The following F8 variants were observed in gnomAD, a reference collection of about 807,000 sequenced individuals.
F8 encodes antihemophilic factor.
In F8, 12 loss-of-function variants were observed where a neutral mutation model predicts 140.6. That is an observed-to-expected ratio of 0.09 (90% confidence interval 0.05 to 0.14). The LOEUF (loss-of-function observed/expected upper bound fraction) is 0.14. Ranked by LOEUF, F8 falls within the 10% of genes least tolerant of loss-of-function variation. The pLI, the probability that F8 is intolerant of heterozygous loss-of-function variation, is 1.00. For synonymous variants in F8, 585 were observed against 614.6 expected, an observed-to-expected ratio of 0.95 and a Z score of 0.71; for missense variants, 1,354 against 1,720.7, an observed-to-expected ratio of 0.79 and a Z score of 3.77.
At chrX:154,898,733 G>A (rs908392237) in intron 21 of F8, among the ~76,000 whole-genome samples, 4 of 112,280 alleles carry the variant, frequency 3.6e-5, no homozygotes, top group Admixed American at 1.9e-4. Context: ...TGACTTTGCT[G>A]CAGTATTAGA....
chrX:154,927,537 T>G (rs188230153), intron 14 of F8, among the ~76,000 whole-genome samples: 126 of 112,220 alleles, frequency 1.1e-3, no homozygotes, highest in Admixed American at 2.2e-3. Flanking sequence ...CTGTGGAGGT[T>G]CATTGCACAG....
chrX:154,898,779 G>A (rs1173039994), intron 21 of F8, among the ~76,000 whole-genome samples: 3 of 111,807 alleles, frequency 2.7e-5, no homozygotes, highest in African/African-American at 9.8e-5. Context: ...GGAAAAACTA[G>A]GAAATACTTT....
At chrX:154,993,649 C>CA (rs1403756869) in intron 3 of F8, among the ~76,000 whole-genome samples, 2 of 112,198 alleles carry the variant, frequency 1.8e-5, no homozygotes, top group Non-Finnish European at 3.8e-5. Flanking sequence ...CTAACCCTAG[C>CA]ATGAGCAGTA....
chrX:154,993,175 C>T, intron 3 of F8, 27 bp from the exon 4 acceptor site: 1 of 1,136,523 alleles, frequency 8.8e-7, no homozygotes, highest in African/African-American at 1.8e-5. Flanking sequence ...TAAAATTGTC[C>T]TTTCTATATC....
intron 1 of F8, among the ~76,000 whole-genome samples, chrX:155,008,576 G>A (rs1052471817): frequency 9.8e-5 from 11 of 111,824 alleles, no homozygotes; most frequent in Non-Finnish European, 1.9e-4. Flanking sequence ...AGGGGCGCCC[G>A]GATGGCAGTC....
At chrX:154,996,828 A>G (rs1337700129) in intron 3 of F8, 145 bp downstream of exon 3, 3 of 684,072 alleles carry the variant, frequency 4.4e-6, no homozygotes, top group Non-Finnish European at 7.0e-6. Flanking sequence ...CTATCTTGAG[A>G]TATTTATAAT....
chrX:154,923,262 G>T (rs887809170), intron 14 of F8, among the ~76,000 whole-genome samples: 2 of 112,206 alleles, frequency 1.8e-5, no homozygotes, highest in Admixed American at 1.9e-4. Context: ...AGCATCTGAA[G>T]TGACACTGTA....
At chrX:154,870,723 AG>A (rs1373146550) in intron 22 of F8, among the ~76,000 whole-genome samples, 1 of 111,608 alleles carries the variant, frequency 9.0e-6, no homozygotes, top group African/African-American at 3.3e-5. Flanking sequence ...AAAGCAATAA[AG>A]GGTATTCAAA....
At chrX:154,855,579 T>C (rs1476920123) in intron 25 of F8, among the ~76,000 whole-genome samples, 1 of 111,580 alleles carries the variant, frequency 9.0e-6, no homozygotes, top group Non-Finnish European at 1.9e-5. Flanking sequence ...GCTGGGGACA[T>C]TGAGCTCCTA....
At chrX:154,997,689 C>T (rs2073624945) in intron 2 of F8, among the ~76,000 whole-genome samples, 1 of 112,017 alleles carries the variant, frequency 8.9e-6, no homozygotes, top group Non-Finnish European at 1.9e-5. Context: ...CACAGTGAAT[C>T]AGCAGAGGAG....
chrX:154,878,820 G>A (rs1417061586), intron 22 of F8, among the ~76,000 whole-genome samples: 1 of 111,941 alleles, frequency 8.9e-6, no homozygotes, highest in African/African-American at 3.2e-5. Flanking sequence ...AAAATCAGTT[G>A]TATTTCTACA....
At chrX:154,847,792 A>C (rs1353135655) in intron 25 of F8, among the ~76,000 whole-genome samples, 389 of 84,924 alleles carry the variant, frequency 4.6e-3, no homozygotes, top group Admixed American at 0.01. Context: ...AACTCGTCAA[A>C]GTCATTTTCT....
chrX:154,910,660 C>T (rs139607700), intron 14 of F8, among the ~76,000 whole-genome samples: 1,358 of 112,393 alleles, frequency 0.012, 13 homozygotes, highest in Middle Eastern at 0.028. Flanking sequence ...CCTGGAAAGC[C>T]AGGTATTGTC....
chrX:154,848,555 C>T (rs782628864), intron 25 of F8, among the ~76,000 whole-genome samples: 8 of 112,323 alleles, frequency 7.1e-5, no homozygotes, highest in Middle Eastern at 4.7e-3. Flanking sequence ...TAGCAATGAG[C>T]GAGGCTCCGT....
intron 1 of F8, among the ~76,000 whole-genome samples, chrX:155,003,748 G>C (rs1557285852): frequency 9.1e-6 from 1 of 110,492 alleles, no homozygotes; most frequent in East Asian, 2.8e-4. Flanking sequence ...CACGAGGTCA[G>C]GAGATCGAGA....
chrX:154,976,414 T>C (rs1395674370), intron 6 of F8, among the ~76,000 whole-genome samples: 1 of 111,457 alleles, frequency 9.0e-6, no homozygotes, highest in African/African-American at 3.3e-5. Context: ...TGTCTTTTTT[T>C]AAATTTTTTT....
intron 21 of F8, chrX:154,897,558 T>C (rs1387375063): frequency 8.9e-6 from 1 of 111,799 alleles, no homozygotes; most frequent in Non-Finnish European, 1.9e-5. Flanking sequence ...CAGGACAGAG[T>C]GTCAAGGTCT....
chrX:154,984,694 A>G lies in F8; in HGVS notation c.780T>C (p.Ser260=). Residue 260 remains serine (S), a synonymous_variant, in exon 6 of 26, where the codon TCT becomes TCC. Coordinates refer to ENST00000360256, the MANE Select transcript of F8 (RefSeq NM_000132.4). ...GAGCAGGTGTGTACATACCTGGCAG[A>G]GACCTGTTTACATAACCATTGACTG... ...MHTVNGYVNR[S]LPGLIGCHRK... 1 of 1,203,715 alleles carries G rather than the reference A, an allele frequency of 8.3e-7. No individual in the cohort carries two copies. The highest frequency in any genetic ancestry group is 1.1e-6 in the Non-Finnish European group (1 of 888,100).
At chrX:154,893,236 A>C (rs782101690) in intron 22 of F8, among the ~76,000 whole-genome samples, 1 of 112,278 alleles carries the variant, frequency 8.9e-6, no homozygotes, top group Non-Finnish European at 1.9e-5. Flanking sequence ...ATGTCTCCCT[A>C]AAATGCGTAA....
Sources: gnomAD v4.1 joint callset for allele counts (sites outside exome capture counted in the v4.1 genomes callset) on GRCh38, gnomAD v4.1.1 for gene constraint, MANE v1.5 for transcripts, NCBI Gene and HGNC (gene_info 2026-07-23, HGNC 2026-07-21) for gene names.